NTM: variants seen among roughly 807,000 people sequenced by gnomAD.
NTM encodes the protein neurotrimin.
NTM carries 13 observed loss-of-function variants against 42.1 expected under a neutral mutation model. The ratio of observed to expected loss-of-function variants is 0.31; its 90% CI spans 0.20 to 0.49. The LOEUF (loss-of-function observed/expected upper bound fraction) is 0.49, where lower values mean the gene tolerates loss of function less well. Ranked by LOEUF, NTM falls within the 20% of genes least tolerant of loss-of-function variation. NTM has a pLI of 0.99. For synonymous variants in NTM, 187 were observed against 179.2 expected, an observed-to-expected ratio of 1.04 and a Z score of -0.35; for missense variants, 373 against 452.8, an observed-to-expected ratio of 0.82 and a Z score of 1.60.
chr11:132,313,535 A>ATTGT (rs900034170), intron 6 of NTM, among the ~76,000 whole-genome samples: 10 of 151,974 alleles, frequency 6.6e-5, no homozygotes, highest in South Asian at 2.1e-4. Flanking sequence ...AGGATTACAG[A>ATTGT]TTGTTTGTTT....
chr11:132,134,667 T>C (rs73593374), intron 2 of NTM, among the ~76,000 whole-genome samples: 1,998 of 141,166 alleles, frequency 0.014, 54 homozygotes, highest in African/African-American at 0.048. Context: ...GCAATTGCCA[T>C]TATTTTGTTC....
chr11:131,479,092 T>C (rs1953270889), intron 1 of NTM, among the ~76,000 whole-genome samples: 1 of 152,230 alleles, frequency 6.6e-6, no homozygotes, highest in Non-Finnish European at 1.5e-5. Flanking sequence ...GACTCAATTA[T>C]CCAATTATTC....
At chr11:132,069,571 C>T (rs1234604779) in intron 2 of NTM, among the ~76,000 whole-genome samples, 26 of 150,344 alleles carry the variant, frequency 1.7e-4, no homozygotes, top group South Asian at 4.2e-4. Context: ...TCAAACTGAC[C>T]GTCACAGGTT....
In NTM at chr11:131,527,550, T is replaced by A. The variant is rs537003901; in HGVS notation, c.82+156662T>A. ...TAGGCCATTGAACTCTGTTCTGCCT[T>A]AGTTGGGGATAGAGAAGGAGGAAAA... On this transcript the variant is annotated intron_variant, in intron 1 of 8. Transcript: ENST00000683400. Among the ~76,000 whole-genome samples the A allele has an allele frequency of 2.6e-3, 389 of 152,318 alleles. 3 individuals carry two copies. Among genetic ancestry groups the A allele is most frequent in the Non-Finnish European group, 4.2e-3 (283 of 68,034 alleles).
At chr11:132,222,397 C>A (rs2085348967) in intron 4 of NTM, among the ~76,000 whole-genome samples, 1 of 152,168 alleles carries the variant, frequency 6.6e-6, no homozygotes, top group Non-Finnish European at 1.5e-5. Context: ...TTGTTTTATA[C>A]CTTAACAGCT....
chr11:131,775,773 G>T (rs993088620), intron 1 of NTM, among the ~76,000 whole-genome samples: 2 of 152,158 alleles, frequency 1.3e-5, no homozygotes. Flanking sequence ...GTACAGTAAT[G>T]TAAGAAACTC....
chr11:132,116,692 T>G (rs1305131397), intron 2 of NTM, among the ~76,000 whole-genome samples: 1 of 152,124 alleles, frequency 6.6e-6, no homozygotes, highest in Non-Finnish European at 1.5e-5. Flanking sequence ...TTTGGGAAAT[T>G]GTGATATGCC....
intron 1 of NTM, among the ~76,000 whole-genome samples, chr11:131,679,667 A>G (rs1394686946): frequency 6.6e-6 from 1 of 150,514 alleles, no homozygotes; most frequent in African/African-American, 2.4e-5. Context: ...AGTGCCCCCT[A>G]GTAAGGTAGT....
chr11:131,539,663 AG>A (rs1317522696), intron 1 of NTM: 3 of 152,426 alleles, frequency 2.0e-5, no homozygotes, highest in African/African-American at 7.2e-5. Flanking sequence ...AGAGCTCTCC[AG>A]GCAAAGAAAA....
At position 132,314,582 on chromosome 11, in the gene NTM, G is replaced by C; in HGVS notation, c.813G>C (p.Val271=). 1 of 1,613,286 alleles carries C rather than the reference G, an allele frequency of 6.2e-7. No homozygotes were observed. Among genetic ancestry groups the C allele is most frequent in the Non-Finnish European group, 8.5e-7 (1 of 1,179,616 alleles). The change falls in exon 7 of 9, where the codon GTG becomes GTC. Residue 271 remains valine (V), a synonymous_variant. Transcript: ENST00000683400. ...TTGAAGGAAAGAAAGGGGTGAAAGT[G>C]GAAAACAGACCTTTCCTCTCAAAAC... The part of the protein sequence containing the change: ...RLIEGKKGVK[V]ENRPFLSKLI...
chr11:132,330,005 TG>T, intron 7 of NTM, 147 bp from the exon 8 acceptor site: 1 of 1,252,636 alleles, frequency 8.0e-7, no homozygotes, highest in Non-Finnish European at 1.1e-6. Context: ...GGCTGGGCAG[TG>T]GTCAGGACAG....
chr11:132,154,068 C>G (rs4397866), intron 3 of NTM, among the ~76,000 whole-genome samples: 122,061 of 152,132 alleles, frequency 0.8, 49,103 homozygotes, highest in Middle Eastern at 0.85. Context: ...TTGTGTTGGA[C>G]GAAGAGTGAG....
chr11:131,864,304 C>T (rs928854548), intron 1 of NTM, among the ~76,000 whole-genome samples: 6 of 151,690 alleles, frequency 4.0e-5, no homozygotes, highest in South Asian at 2.1e-4. Flanking sequence ...TTGCTTAATG[C>T]GGGCTTCTGG....
At chr11:132,035,867 C>A (rs937371190) in intron 2 of NTM, among the ~76,000 whole-genome samples, 1 of 152,184 alleles carries the variant, frequency 6.6e-6, no homozygotes, top group Non-Finnish European at 1.5e-5. Flanking sequence ...GCCTGTCTCT[C>A]TGCCACCTCT....
chr11:131,907,631 GGAA>G (rs2054056479), intron 1 of NTM, among the ~76,000 whole-genome samples: 1 of 152,188 alleles, frequency 6.6e-6, no homozygotes, highest in Non-Finnish European at 1.5e-5. Context: ...ACGAAGGAAG[GGAA>G]GAAGGAGACG....
chr11:131,996,577 G>A (rs1391819216), intron 2 of NTM, among the ~76,000 whole-genome samples: 3 of 152,046 alleles, frequency 2.0e-5, no homozygotes, highest in Non-Finnish European at 2.9e-5. Flanking sequence ...GCCATATGAG[G>A]CAAATGTTTT....
At chr11:131,670,251 T>C (rs79349244) in intron 1 of NTM, among the ~76,000 whole-genome samples, 2 of 152,008 alleles carry the variant, frequency 1.3e-5, no homozygotes, top group Non-Finnish European at 2.9e-5. Flanking sequence ...TGGCAAAAAG[T>C]GGGCTCGGAG....
intron 1 of NTM, among the ~76,000 whole-genome samples, chr11:131,823,189 G>C (rs1013139590): frequency 2.0e-5 from 3 of 152,150 alleles, no homozygotes; most frequent in African/African-American, 7.2e-5. Context: ...GTATCCCAGA[G>C]ACCATGGAAA....
intron 2 of NTM, among the ~76,000 whole-genome samples, chr11:132,068,233 CT>C (rs548414916): frequency 2.1e-3 from 314 of 152,202 alleles, no homozygotes; most frequent in African/African-American, 7.3e-3. Context: ...AATCAAGGGT[CT>C]TTTTTTGCGT....
Sources: gnomAD v4.1 joint callset for allele counts (sites outside exome capture counted in the v4.1 genomes callset) on GRCh38, gnomAD v4.1.1 for gene constraint, MANE v1.5 for transcripts, NCBI Gene and HGNC (gene_info 2026-07-23, HGNC 2026-07-21) for gene names.